Variants in PSMC6 observed in about 807,000 individuals in gnomAD.
PSMC6 encodes the protein proteasome 26S subunit, ATPase 6.
Under a neutral mutation model 55.9 loss-of-function variants are expected in PSMC6, and 3 were observed. The observed-to-expected ratio is 0.05, with a 90% confidence interval of 0.02 to 0.14. The LOEUF is 0.14. Among genes scored for constraint, PSMC6 ranks in the 10% least tolerant of loss-of-function variants. PSMC6 has a pLI of 1.00. For synonymous variants in PSMC6, 137 were observed against 155.9 expected, an observed-to-expected ratio of 0.88 and a Z score of 0.90; for missense variants, 210 against 478.7, an observed-to-expected ratio of 0.44 and a Z score of 5.24.
intron 13 of PSMC6, among the ~76,000 whole-genome samples, chr14:52,724,876 C>T (rs550551113): frequency 1.5e-3 from 222 of 152,158 alleles, no homozygotes; most frequent in African/African-American, 5.0e-3. Context: ...ATGTGATTTC[C>T]TCTTGCTTTT....
chr14:52,711,661 G>C, intron 6 of PSMC6, 137 bp downstream of exon 6: 1 of 441,928 alleles, frequency 2.3e-6, no homozygotes, highest in South Asian at 5.5e-5. Flanking sequence ...TACTATTCTT[G>C]CTAAGAAGAA....
intron 6 of PSMC6, among the ~76,000 whole-genome samples, chr14:52,712,096 A>G (rs1038003276): frequency 2.6e-5 from 4 of 152,218 alleles, no homozygotes; most frequent in African/African-American, 9.6e-5. Context: ...AGCAAATTAC[A>G]TTGTCCTATG....
At chr14:52,714,977 T>G (rs1372290844) in intron 7 of PSMC6, among the ~76,000 whole-genome samples, 2 of 152,156 alleles carry the variant, frequency 1.3e-5, no homozygotes, top group Admixed American at 6.6e-5. Flanking sequence ...AAAATGTTGT[T>G]TGGCTCTTCC....
intron 6 of PSMC6, among the ~76,000 whole-genome samples, chr14:52,712,219 T>G: frequency 6.6e-6 from 1 of 152,108 alleles, no homozygotes; most frequent in Non-Finnish European, 1.5e-5. Flanking sequence ...GTACATTAAT[T>G]TTTTTTGGAA....
intron 12 of PSMC6, 62 bp downstream of exon 12, chr14:52,721,252 A>G: frequency 7.5e-7 from 1 of 1,331,544 alleles, no homozygotes; most frequent in Non-Finnish European, 1.0e-6. Context: ...ATACTTTTAG[A>G]AATTACTGAT....
chr14:52,719,368 G>C (rs2041864662), intron 10 of PSMC6, among the ~76,000 whole-genome samples: 1 of 152,182 alleles, frequency 6.6e-6, no homozygotes, highest in Non-Finnish European at 1.5e-5. Flanking sequence ...TATTAAGACT[G>C]TTGGCAATAA....
At position 52,708,833 on chromosome 14, in the gene PSMC6, G is replaced by C. The variant is rs751658528; in HGVS notation, c.258+17G>C. 3 of 1,611,602 alleles carry C rather than the reference G, an allele frequency of 1.9e-6. No individual in the cohort carries two copies. In the South Asian group the frequency reaches 3.3e-5, roughly 18 times the overall value. ...CGTCGACAGGTAATACTTTATATTT[G>C]TATAGTGCCTGATGATTGACAAAGC... On this transcript the variant is annotated intron_variant, in intron 4 of 13. Transcript: ENST00000445930.
chr14:52,710,709 A>T (rs904410178), intron 4 of PSMC6: 1 of 223,080 alleles, frequency 4.5e-6, no homozygotes, highest in Non-Finnish European at 8.9e-6. Flanking sequence ...CATTCTTCCC[A>T]GAAGCTGTAC....
At chr14:52,719,182 C>G in intron 10 of PSMC6, 144 bp downstream of exon 10, 3 of 821,748 alleles carry the variant, frequency 3.7e-6, no homozygotes, top group Non-Finnish European at 5.6e-6. Flanking sequence ...AAACATGTTT[C>G]TCTATCACAA....
intron 4 of PSMC6, chr14:52,709,087 A>C (rs914846178): frequency 1.1e-5 from 3 of 277,700 alleles, no homozygotes; most frequent in African/African-American, 6.7e-5. Flanking sequence ...TGGAAAACAG[A>C]CATTTTATTT....
At chr14:52,708,918 A>G (rs975226656) in intron 4 of PSMC6, 102 bp downstream of exon 4, 16 of 1,513,172 alleles carry the variant, frequency 1.1e-5, no homozygotes, top group African/African-American at 8.4e-5. Flanking sequence ...ATTTATGCCC[A>G]TAACTCACAA....
rs60339460 is a variant in PSMC6, at chr14:52,727,146, G to A, written c.1052-353G>A. On this transcript the variant is annotated intron_variant, in intron 13 of 13. Transcript: ENST00000445930. ...AGCCATTCTCCTGCCTTAGCCTCCC[G>A]AGTAGCTGGGACTACAGGCGCGCGC... is the stretch of plus-strand genomic sequence containing the variant. Among the ~76,000 whole-genome samples, 746 of 146,592 alleles carry A rather than the reference G, an allele frequency of 5.1e-3. 9 individuals carry two copies. Among genetic ancestry groups the A allele is most frequent in the African/African-American group, 0.018 (718 of 39,628 alleles).
At chr14:52,716,528 C>G (rs373198356) in intron 7 of PSMC6, among the ~76,000 whole-genome samples, 1,763 of 152,122 alleles carry the variant, frequency 0.012, 31 homozygotes, top group African/African-American at 0.038. Flanking sequence ...CCGAGGCGGG[C>G]GGATCACCTG....
intron 5 of PSMC6, 63 bp from the exon 6 acceptor site, chr14:52,711,347 G>T (rs2041770174): frequency 7.2e-7 from 1 of 1,387,270 alleles, no homozygotes; most frequent in African/African-American, 1.4e-5. Context: ...TTATTTATAT[G>T]CTATCTGTAG....
At chr14:52,725,412 T>C (rs536321657) in intron 13 of PSMC6, among the ~76,000 whole-genome samples, 120 of 152,384 alleles carry the variant, frequency 7.9e-4, no homozygotes, top group African/African-American at 2.9e-3. Flanking sequence ...TTTATCTTCT[T>C]TTTAGACTTG....
At chr14:52,709,767 G>A (rs2041746368) in intron 4 of PSMC6, 1 of 249,080 alleles carries the variant, frequency 4.0e-6, no homozygotes. Context: ...GAATATTTGT[G>A]TTGTACTGGT....
At chr14:52,713,770 T>G (rs936525833) in intron 6 of PSMC6, 111 bp from the exon 7 acceptor site, 2 of 606,598 alleles carry the variant, frequency 3.3e-6, no homozygotes, top group Non-Finnish European at 5.6e-6. Flanking sequence ...TCTAGGTCTA[T>G]TAAGAATTAT....
At chr14:52,720,787 AGACATATAAAAGGTGT>A (rs1566660696) in intron 10 of PSMC6, 58 bp from the exon 11 acceptor site, 3 of 1,189,310 alleles carry the variant, frequency 2.5e-6, no homozygotes, top group Non-Finnish European at 3.6e-6. Flanking sequence ...TCATGGCATT[AGACATATAAAAGGTGT>A]GTGCTATTTT....
intron 13 of PSMC6, among the ~76,000 whole-genome samples, chr14:52,726,400 G>T (rs904381333): frequency 1.3e-5 from 2 of 152,098 alleles, no homozygotes; most frequent in Non-Finnish European, 2.9e-5. Context: ...GCTAAAACCC[G>T]CTGTTGGCTT....
Sources: allele counts gnomAD v4.1 joint callset (sites outside exome capture counted in the v4.1 genomes callset), GRCh38; gene constraint gnomAD v4.1.1; transcripts MANE v1.5; gene names NCBI Gene and HGNC (gene_info 2026-07-23, HGNC 2026-07-21).